Variants in STK32A observed in about 807,000 individuals in gnomAD.
STK32A encodes serine/threonine kinase 32A.
Under a neutral mutation model 53.2 loss-of-function variants are expected in STK32A, and 41 were observed. That is an observed-to-expected ratio of 0.77 (90% CI 0.60 to 1.00). The LOEUF (loss-of-function observed/expected upper bound fraction) is 1.00, where lower values mean the gene tolerates loss of function less well. STK32A is among the 50% of genes least tolerant of loss of function. STK32A has a pLI of 0.00. For synonymous variants in STK32A, 166 were observed against 162.8 expected, an observed-to-expected ratio of 1.02 and a Z score of -0.15; for missense variants, 458 against 485.8, an observed-to-expected ratio of 0.94 and a Z score of 0.54.
At chr5:147,358,461 G>A (rs928899559) in intron 7 of STK32A, among the ~76,000 whole-genome samples, 1 of 152,056 alleles carries the variant, frequency 6.6e-6, no homozygotes, top group Non-Finnish European at 1.5e-5. Context: ...TGCACTTATA[G>A]GAATCTCACA....
At chr5:147,400,081 T>C in the STK32A span, among the ~76,000 whole-genome samples, 1 of 152,226 alleles carries the variant, frequency 6.6e-6, no homozygotes, top group Non-Finnish European at 1.5e-5. Flanking sequence ...AAATGAAACA[T>C]AGAGCAGTAA....
At position 147,385,664 on chromosome 5, in the gene STK32A, A is replaced by G. The variant is rs550835974; in HGVS notation, c.*1681A>G. ...TTTAATTCACCTAAGTGAGACGTGCATATGATGTAACTCCACTGTACAGAT... is the reference window on the plus strand; with the variant it reads ...TTTAATTCACCTAAGTGAGACGTGCGTATGATGTAACTCCACTGTACAGAT... On this transcript the variant is annotated 3_prime_UTR_variant, in exon 13 of 13. Coordinates refer to ENST00000397936, the MANE Select transcript of STK32A (RefSeq NM_001112724.2). The G allele has an allele frequency of 1.8e-4, 28 of 152,360 alleles. No homozygotes were observed. The highest frequency in any genetic ancestry group is 3.4e-4 in the Non-Finnish European group (23 of 68,040). The allele number at this position is 152,360 out of a possible 1,614,324, so 9.4% of individuals were successfully genotyped here.
chr5:147,394,166 G>T, the STK32A span: 1 of 1,597,588 alleles, frequency 6.3e-7, no homozygotes, highest in Non-Finnish European at 8.6e-7. Context: ...AAAAAACAGA[G>T]TGGCGGGTAG....
chr5:147,390,344 C>T (rs1164740707), downstream of STK32A, among the ~76,000 whole-genome samples: 1 of 152,114 alleles, frequency 6.6e-6, no homozygotes, highest in Non-Finnish European at 1.5e-5. Context: ...ACTGATTTTA[C>T]TCCTTGGGAT....
intron 5 of STK32A, 132 bp downstream of exon 5, chr5:147,324,203 G>T: frequency 2.1e-6 from 2 of 948,540 alleles, no homozygotes; most frequent in South Asian, 2.0e-5. Context: ...CCCTGAGGTA[G>T]GTTGATTGTC....
chr5:147,343,991 C>A (rs1295670594), intron 6 of STK32A, among the ~76,000 whole-genome samples: 2 of 152,060 alleles, frequency 1.3e-5, no homozygotes, highest in East Asian at 3.9e-4. Flanking sequence ...CGATTTCTTC[C>A]TAATATTTAT....
At chr5:147,253,898 G>A (rs73793361) in intron 2 of STK32A, among the ~76,000 whole-genome samples, 426 of 152,218 alleles carry the variant, frequency 2.8e-3, no homozygotes, top group African/African-American at 9.9e-3. Context: ...GAATTTCAAT[G>A]GCTGGCAGAT....
intron 2 of STK32A, 102 bp from the exon 3 acceptor site, chr5:147,278,022 G>A (rs1751848715): frequency 3.9e-6 from 4 of 1,021,668 alleles, no homozygotes; most frequent in East Asian, 2.6e-5. Flanking sequence ...CTGAGATCAT[G>A]TTTTAGACAA....
At chr5:147,282,017 GA>G (rs1752086694) in intron 4 of STK32A, among the ~76,000 whole-genome samples, 1 of 152,140 alleles carries the variant, frequency 6.6e-6, no homozygotes. Flanking sequence ...CATCATATAT[GA>G]AGGAAAGATA....
At chr5:147,255,440 A>G (rs1028659341) in intron 2 of STK32A, among the ~76,000 whole-genome samples, 1 of 152,208 alleles carries the variant, frequency 6.6e-6, no homozygotes, top group African/African-American at 2.4e-5. Context: ...AAGTCCACCT[A>G]TTACGGCTGC....
chr5:147,326,705 C>A (rs1431362830), intron 5 of STK32A, among the ~76,000 whole-genome samples: 2 of 152,078 alleles, frequency 1.3e-5, no homozygotes, highest in Non-Finnish European at 2.9e-5. Flanking sequence ...GGCCTCAGAC[C>A]TACTTGTACC....
At chr5:147,395,614 A>G in the STK32A span, 1 of 1,614,022 alleles carries the variant, frequency 6.2e-7, no homozygotes, top group Middle Eastern at 1.6e-4. Context: ...TCGGCCGAGT[A>G]GGAGAGCCCC....
chr5:147,248,566 TC>T (rs2151941260), intron 2 of STK32A, among the ~76,000 whole-genome samples: 1 of 152,342 alleles, frequency 6.6e-6, no homozygotes, highest in African/African-American at 2.4e-5. Flanking sequence ...TTGAGGAGCA[TC>T]CAACAGTTGA....
At chr5:147,281,707 T>A (rs1226116377) in intron 4 of STK32A, among the ~76,000 whole-genome samples, 1 of 151,882 alleles carries the variant, frequency 6.6e-6, no homozygotes, top group Non-Finnish European at 1.5e-5. Context: ...GAGGAAAACT[T>A]CCCCGGCCTT....
Position 147,387,276 on chromosome 5 carries a change from C to G in STK32A, c.*3293C>G, listed in dbSNP as rs941063830. On this transcript the variant is annotated 3_prime_UTR_variant, in exon 13 of 13. Transcript: ENST00000397936. ...TCGTCTGCTAATGGCTAACCCACTG[C>G]CATGGTGGCACTGGTTTTGCCTGAG... 4 of 152,264 alleles carry G rather than the reference C, an allele frequency of 2.6e-5. No homozygotes were observed. The highest frequency in any genetic ancestry group is 9.6e-5 in the African/African-American group (4 of 41,460). The allele number at this position is 152,264 out of a possible 1,614,324, so 9.4% of individuals were successfully genotyped here. A position where few individuals can be genotyped will look rare whatever the true frequency, so the allele number is the denominator to read the frequency against.
chr5:147,354,482 A>T (rs1359472745), intron 7 of STK32A, among the ~76,000 whole-genome samples: 1 of 152,238 alleles, frequency 6.6e-6, no homozygotes, highest in Non-Finnish European at 1.5e-5. Flanking sequence ...GTCTTCTCAC[A>T]AGATAGAACT....
At chr5:147,342,971 G>A in intron 5 of STK32A, 35 bp from the exon 6 acceptor site, 1 of 1,611,200 alleles carries the variant, frequency 6.2e-7, no homozygotes. Flanking sequence ...TCGTTTTATT[G>A]TGAGCAACTT....
chr5:147,333,486 T>C (rs1733931241), intron 5 of STK32A, among the ~76,000 whole-genome samples: 1 of 152,208 alleles, frequency 6.6e-6, no homozygotes, highest in African/African-American at 2.4e-5. Context: ...ACAGCAGCAT[T>C]TGAGTTATGT....
At chr5:147,277,770 C>A (rs1751834359) in intron 2 of STK32A, among the ~76,000 whole-genome samples, 2 of 152,106 alleles carry the variant, frequency 1.3e-5, no homozygotes, top group South Asian at 4.1e-4. Context: ...GTTCTTAGAG[C>A]CCCATGACCT....
Sources: gnomAD v4.1 joint callset for allele counts (sites outside exome capture counted in the v4.1 genomes callset) on GRCh38, gnomAD v4.1.1 for gene constraint, MANE v1.5 for transcripts, NCBI Gene and HGNC (gene_info 2026-07-23, HGNC 2026-07-21) for gene names.